DGCR2: variants seen among roughly 807,000 people sequenced by gnomAD.
DGCR2 encodes integral membrane protein DGCR2/IDD.
In DGCR2, 24 loss-of-function variants were observed where a neutral mutation model predicts 51.6. That is an observed-to-expected ratio of 0.47 (90% CI 0.34 to 0.65). DGCR2 has a LOEUF of 0.65. DGCR2 is among the 30% of genes least tolerant of loss of function. DGCR2 has a pLI of 0.01. For missense variants in DGCR2, 765 were observed against 772.1 expected (o/e 0.99, Z 0.11); for synonymous variants, 340 against 315.4 (o/e 1.08, Z -0.82).
At chr22:19,107,299 T>C (rs2083269737) in intron 1 of DGCR2, among the ~76,000 whole-genome samples, 2 of 151,890 alleles carry the variant, frequency 1.3e-5, no homozygotes, top group Non-Finnish European at 2.9e-5. Flanking sequence ...GGAGAGGGAG[T>C]AGGGTTGCCA....
chr22:19,058,187 G>C (rs575090056), intron 5 of DGCR2, among the ~76,000 whole-genome samples: 1 of 152,218 alleles, frequency 6.6e-6, no homozygotes, highest in Non-Finnish European at 1.5e-5. Flanking sequence ...GCAGGCCTAT[G>C]CTGTGGGCCT....
At position 19,087,678 on chromosome 22, in the gene DGCR2, C is replaced by CTTTTTTTT. The variant is rs35513614; in HGVS notation, c.202+1682_202+1689dup. Among the ~76,000 whole-genome samples the CTTTTTTTT allele has an allele frequency of 3.3e-5, 4 of 120,294 alleles. 1 individual carries two copies. 78.9% of individuals were successfully genotyped at this position (120,294 alleles called of 152,430 possible). On this transcript the variant is annotated intron_variant, in intron 2 of 9. Transcript: ENST00000263196. ...ATAAGGCATGAGCCACTGCACCTGG[C>CTTTTTTTT]TTTTTTTTTTTTTTTTTTGCCTTTG...
chr22:19,092,728 T>C (rs2146018859), intron 1 of DGCR2, among the ~76,000 whole-genome samples: 1 of 152,266 alleles, frequency 6.6e-6, no homozygotes, highest in South Asian at 2.1e-4. Context: ...AAATAAGAAA[T>C]ACTTAGGTAT....
rs2146294436 is a variant in DGCR2, at chr22:19,037,027, G to A, written c.*1838C>T. On this transcript the variant is annotated 3_prime_UTR_variant, in exon 10 of 10. Coordinates refer to ENST00000263196, the MANE Select transcript of DGCR2 (RefSeq NM_005137.3). The stretch of plus-strand genomic sequence containing the variant: ...GTCCTCGGGCCCTCACTGGCCACCT[G>A]GCACCCATAATGCACATGCCTGCTG... 1 of 152,598 alleles carries A rather than the reference G, an allele frequency of 6.6e-6. No individual in the cohort carries two copies. Among genetic ancestry groups the A allele is most frequent in the African/African-American group, 2.4e-5 (1 of 41,576 alleles). 9.5% of individuals were successfully genotyped at this position (152,598 alleles called of 1,614,324 possible). A position where few individuals can be genotyped will look rare whatever the true frequency, so the allele number is the denominator to read the frequency against.
chr22:19,073,663 C>T (rs1242035108), intron 2 of DGCR2, among the ~76,000 whole-genome samples: 1 of 152,174 alleles, frequency 6.6e-6, no homozygotes, highest in Non-Finnish European at 1.5e-5. Flanking sequence ...TAAGCTTAAC[C>T]TTCAAAATTA....
At chr22:19,071,005 C>T (rs745560900) in intron 2 of DGCR2, among the ~76,000 whole-genome samples, 16 of 152,248 alleles carry the variant, frequency 1.1e-4, no homozygotes, top group Non-Finnish European at 2.2e-4. Flanking sequence ...CTCAGGCCTG[C>T]CTCTGACAGT....
chr22:19,077,940 T>A (rs965984916), intron 2 of DGCR2, among the ~76,000 whole-genome samples: 1 of 152,046 alleles, frequency 6.6e-6, no homozygotes, highest in African/African-American at 2.4e-5. Context: ...GCAATTCTCC[T>A]GCCTCAGCCT....
At chr22:19,069,156 G>T (rs1400163115) in intron 2 of DGCR2, among the ~76,000 whole-genome samples, 2 of 152,236 alleles carry the variant, frequency 1.3e-5, no homozygotes, top group African/African-American at 4.8e-5. Context: ...GGTCTGCAAG[G>T]CTGCACACAG....
In DGCR2 at chr22:19,041,352, T is replaced by C. The variant is rs1278203656; in HGVS notation, c.1160-58A>G. On this transcript the variant is annotated intron_variant, in intron 8 of 9. Transcript: ENST00000263196. ...GACAAGTCACTGGGGGCAGGCTGCC[T>C]GGCTCCTGAGCCCCCCACCCCCAGG... The C allele has an allele frequency of 7.1e-6, 11 of 1,550,956 alleles. No individual in the cohort carries two copies. The Admixed American group carries it at 1.9e-4, about 26-fold the overall frequency.
chr22:19,063,215 C>T lies in DGCR2; in HGVS notation c.612G>A (p.Glu204=). Residue 204 remains glutamate, a synonymous_variant, in exon 5 of 10, where the codon GAG becomes GAA. Transcript: ENST00000263196. ...AGAAGGGCTCACCTTTGAATGCCAC[C>T]TCCCAGCGACCTTCCAAGGAGCGGT... ...GRNRSLEGRW[E]VAFKGSSEVF... is the part of the protein sequence containing the mutation. 1 of 1,614,190 alleles carries T rather than the reference C, an allele frequency of 6.2e-7. No individual in the cohort carries two copies. The highest frequency in any genetic ancestry group is 2.2e-5 in the East Asian group (1 of 44,874).
intron 2 of DGCR2, among the ~76,000 whole-genome samples, chr22:19,083,868 G>C (rs965436967): frequency 6.6e-6 from 1 of 151,938 alleles, no homozygotes; most frequent in Non-Finnish European, 1.5e-5. Flanking sequence ...GCAGGCGCGC[G>C]CCGCCATGCC....
chr22:19,046,891 A>C, intron 7 of DGCR2: 1 of 188,664 alleles, frequency 5.3e-6, no homozygotes, highest in Non-Finnish European at 1.2e-5. Flanking sequence ...ATCCTTGTAC[A>C]CATCTGGGCA....
At chr22:19,042,968 TCA>T (rs1218637229) in intron 7 of DGCR2, among the ~76,000 whole-genome samples, 2 of 150,810 alleles carry the variant, frequency 1.3e-5, no homozygotes, top group Non-Finnish European at 3.0e-5. Context: ...ACACTGGGTC[TCA>T]CAGGCTCCCC....
chr22:19,057,440 G>A lies in DGCR2; in HGVS notation c.626-278C>T, dbSNP rs977635767. Among the ~76,000 whole-genome samples, 1 of 152,196 alleles carries A rather than the reference G, an allele frequency of 6.6e-6. No individual in the cohort carries two copies. Among genetic ancestry groups the A allele is most frequent in the Non-Finnish European group, 1.5e-5 (1 of 68,038 alleles). On this transcript the variant is annotated intron_variant, in intron 5 of 9. Transcript: ENST00000263196. This position sits in a 1 kb window ranked among gnomAD's most constrained non-coding sequence, Gnocchi z 5.1. Reference sequence around the variant, plus strand: ...AGTGCCAGCCTGAGCACCAGAAGAGGGTGCTGGATCACGGTTAGTGGGTGG... The same window carrying A: ...AGTGCCAGCCTGAGCACCAGAAGAGAGTGCTGGATCACGGTTAGTGGGTGG...
intron 3 of DGCR2, among the ~76,000 whole-genome samples, chr22:19,066,058 C>T (rs1301164481): frequency 1.3e-5 from 2 of 152,238 alleles, no homozygotes; most frequent in African/African-American, 4.8e-5. Context: ...CATCTGCTCA[C>T]CGTGAAGGGT....
chr22:19,051,887 C>T (rs1456816331), intron 6 of DGCR2, among the ~76,000 whole-genome samples: 2 of 152,176 alleles, frequency 1.3e-5, no homozygotes, highest in African/African-American at 4.8e-5. Context: ...GGTCTACATA[C>T]ATATCTGCAT....
At chr22:19,117,273 C>T (rs989599377) in intron 1 of DGCR2, among the ~76,000 whole-genome samples, 4 of 152,240 alleles carry the variant, frequency 2.6e-5, no homozygotes, top group Admixed American at 1.3e-4. Context: ...AGTGGAGCAG[C>T]GAAGGCGCAG....
chr22:19,066,068 T>A (rs998919534), intron 3 of DGCR2, among the ~76,000 whole-genome samples: 8 of 152,116 alleles, frequency 5.3e-5, no homozygotes, highest in Non-Finnish European at 1.5e-5. Context: ...CCGTGAAGGG[T>A]ACACCTGAGT....
chr22:19,094,328 T>C (rs2083114477), intron 1 of DGCR2, among the ~76,000 whole-genome samples: 1 of 152,200 alleles, frequency 6.6e-6, no homozygotes, highest in Non-Finnish European at 1.5e-5. Context: ...TTCAGGAGGC[T>C]GAGGCAGAAT....
Sources: allele counts gnomAD v4.1 joint callset (sites outside exome capture counted in the v4.1 genomes callset), GRCh38; gene constraint gnomAD v4.1.1; non-coding constraint Gnocchi (gnomAD v3.1); transcripts MANE v1.5; gene names NCBI Gene and HGNC (gene_info 2026-07-23, HGNC 2026-07-21).